STAT3: variants seen among roughly 807,000 people sequenced by gnomAD.
STAT3 encodes signal transducer and activator of transcription 3.
A neutral mutation model predicts 114.3 loss-of-function variants in STAT3; 7 were observed. The ratio of observed to expected loss-of-function variants is 0.06; its 90% CI spans 0.03 to 0.11. The LOEUF (loss-of-function observed/expected upper bound fraction) is 0.11. STAT3 is among the 10% of genes least tolerant of loss of function. The pLI, the probability that STAT3 is intolerant of heterozygous loss-of-function variation, is 1.00. For synonymous variants in STAT3, 331 were observed against 354.5 expected, an observed-to-expected ratio of 0.93 and a Z score of 0.74; for missense variants, 364 against 960.9, an observed-to-expected ratio of 0.38 and a Z score of 8.21.
chr17:42,349,019 C>G (rs1300951135), intron 1 of STAT3, among the ~76,000 whole-genome samples: 2 of 152,174 alleles, frequency 1.3e-5, no homozygotes, highest in South Asian at 4.1e-4. Flanking sequence ...GCACACAACA[C>G]CATGCCACAC....
chr17:42,321,117 T>C (rs75408607), intron 21 of STAT3, among the ~76,000 whole-genome samples: 13 of 141,600 alleles, frequency 9.2e-5, no homozygotes, highest in Admixed American at 2.1e-4. Flanking sequence ...TCTCTCTCTT[T>C]TTTTTTTTTT....
chr17:42,357,123 C>T (rs2083266314), intron 1 of STAT3, among the ~76,000 whole-genome samples: 1 of 152,132 alleles, frequency 6.6e-6, no homozygotes, highest in South Asian at 2.1e-4. Context: ...CATAAAAGAA[C>T]TATTTTGTTT....
At position 42,316,918 on chromosome 17, in the gene STAT3, G is replaced by A. The variant is rs772925731; in HGVS notation, c.2145-17C>T. ...CAGGTCGTTCTGTAGGAAATGGGGG[G>A]CAGCAGGAGGGGAAACGGGGGGTTG... is the stretch of plus-strand genomic sequence containing the variant. On this transcript the variant is annotated splice_polypyrimidine_tract_variant and intron_variant, in intron 22 of 23. Transcript: ENST00000264657. The A allele has an allele frequency of 5.6e-6, 9 of 1,603,022 alleles. No homozygotes were observed. The highest frequency in any genetic ancestry group is 7.7e-6 in the Non-Finnish European group (9 of 1,173,172).
chr17:42,322,653 T>C (rs1361889794), intron 20 of STAT3, among the ~76,000 whole-genome samples, 159 bp from the exon 21 acceptor site: 1 of 152,248 alleles, frequency 6.6e-6, no homozygotes, highest in Non-Finnish European at 1.5e-5. Flanking sequence ...TGTGGAAATA[T>C]TCAGGCTGGC....
At chr17:42,348,586 T>C in intron 1 of STAT3, 47 bp from the exon 2 acceptor site, 1 of 1,608,220 alleles carries the variant, frequency 6.2e-7, no homozygotes, top group South Asian at 1.1e-5. Flanking sequence ...CCAGTAGGGG[T>C]AAACAATCTA....
In STAT3 at chr17:42,316,758, T is replaced by C. The variant is rs114401618; in HGVS notation, c.2257+31A>G. On this transcript the variant is annotated intron_variant, in intron 23 of 23. Coordinates refer to ENST00000264657, the MANE Select transcript of STAT3 (RefSeq NM_139276.3). The stretch of plus-strand genomic sequence containing the variant: ...ACACAAAGGGGACCAACTTCCCTTA[T>C]AGGGACAAAGTCTGTCAACCAAATA... 9.6e-4 allele frequency: 1,551 copies of C among 1,611,540 alleles called. 14 individuals are homozygous for C. The African/African-American group carries it at 0.018, about 19-fold the overall frequency.
At position 42,337,551 on chromosome 17, in the gene STAT3, C is replaced by T. The variant is rs775680553; in HGVS notation, c.681G>A (p.Ala227=). ...TGAGAGTTTTCTGCACGTACTCCAT[C>T]GCTGACAAAAGCCCCGCCAGCTCAC... ...IVSELAGLLS[A]MEYVQKTLTD... Residue 227 remains alanine, a synonymous_variant, in exon 8 of 24, where the codon GCG becomes GCA. Transcript: ENST00000264657. This position sits in a 1 kb window ranked among gnomAD's most constrained non-coding sequence, Gnocchi z 4.0. 41 of 1,614,114 alleles carry T rather than the reference C, an allele frequency of 2.5e-5. No homozygotes were observed. In the African/African-American group the frequency reaches 4.8e-4, roughly 19 times the overall value.
chr17:42,368,981 T>C (rs1413607969), intron 1 of STAT3, among the ~76,000 whole-genome samples: 2 of 152,138 alleles, frequency 1.3e-5, no homozygotes, highest in South Asian at 2.1e-4. Context: ...CTCCCACTTA[T>C]AAGTGAGAAC....
intron 23 of STAT3, 73 bp downstream of exon 23, chr17:42,316,716 G>C (rs867510786): frequency 1.2e-6 from 2 of 1,602,872 alleles, no homozygotes; most frequent in Non-Finnish European, 1.7e-6. Flanking sequence ...CTCTCGGTGT[G>C]TACATGTGAG....
chr17:42,348,631 G>A, intron 1 of STAT3, 92 bp from the exon 2 acceptor site: 1 of 1,446,196 alleles, frequency 6.9e-7, no homozygotes, highest in Non-Finnish European at 9.6e-7. Context: ...TGTCAGGTCT[G>A]TGACTAGGGA....
At chr17:42,369,347 G>A (rs1481071676) in intron 1 of STAT3, among the ~76,000 whole-genome samples, 1 of 152,042 alleles carries the variant, frequency 6.6e-6, no homozygotes, top group Non-Finnish European at 1.5e-5. Flanking sequence ...AATAGAGCAA[G>A]ACTCCATCTC....
At chr17:42,332,871 C>T (rs2082082724) in intron 10 of STAT3, among the ~76,000 whole-genome samples, 1 of 151,496 alleles carries the variant, frequency 6.6e-6, no homozygotes, top group African/African-American at 2.4e-5. Context: ...TGTGGTGGCA[C>T]GCACCTCTAT....
rs2081207918 is a variant in STAT3 at position 42,315,348 on chromosome 17, A to G, written c.*397T>C. ...TGGCCTGTGGCATTTGCTTACAGAA[A>G]CAGGCAGAAGGATGCCGCAGGCACC... On this transcript the variant is annotated 3_prime_UTR_variant, in exon 24 of 24. Transcript: ENST00000264657. 2 of 416,232 alleles carry G rather than the reference A, an allele frequency of 4.8e-6. No homozygotes were observed. The highest frequency in any genetic ancestry group is 4.0e-5 in the African/African-American group (2 of 50,122). 25.8% of individuals were successfully genotyped at this position (416,232 alleles called of 1,614,324 possible).
intron 1 of STAT3, among the ~76,000 whole-genome samples, chr17:42,348,923 T>C (rs940262073): frequency 1.3e-5 from 2 of 152,202 alleles, no homozygotes; most frequent in African/African-American, 2.4e-5. Flanking sequence ...AGAGTCTTGC[T>C]CTGTGGCCCA....
At chr17:42,325,995 A>G (rs922019620) in intron 15 of STAT3, 121 bp downstream of exon 15, 1 of 963,856 alleles carries the variant, frequency 1.0e-6, no homozygotes, top group Non-Finnish European at 1.7e-6. Context: ...GTAAGCAAAA[A>G]TAAACACAGT....
At chr17:42,322,730 G>C (rs2081533087) in intron 20 of STAT3, among the ~76,000 whole-genome samples, 1 of 152,206 alleles carries the variant, frequency 6.6e-6, no homozygotes, top group Admixed American at 6.5e-5. Context: ...ACTTGCGTAA[G>C]ATATATTAAC....
At chr17:42,348,331 T>C (rs914444975) in intron 2 of STAT3, 58 bp downstream of exon 2, 3 of 1,607,900 alleles carry the variant, frequency 1.9e-6, no homozygotes, top group Non-Finnish European at 2.6e-6. Flanking sequence ...TAAGAGTTCA[T>C]GTCTCTTGAC....
At chr17:42,328,590 TAG>T (rs1474802155) in intron 14 of STAT3, among the ~76,000 whole-genome samples, 3 of 152,164 alleles carry the variant, frequency 2.0e-5, no homozygotes, top group Non-Finnish European at 2.9e-5. Context: ...GTATCTTTAG[TAG>T]AGACGGGCTT....
chr17:42,337,734 G>A lies in STAT3; in HGVS notation c.645+29C>T, dbSNP rs17882551. 6.8e-6 allele frequency: 11 copies of A among 1,613,518 alleles called. No individual in the cohort carries two copies. In the African/African-American group the frequency reaches 1.3e-4, roughly 20 times the overall value. Reference sequence around the variant, plus strand: ...AATCCCGCAAGTGAGCGAGACACATGGGGGAAGTGGTCCGACCTATGCCCT... The same window carrying A: ...AATCCCGCAAGTGAGCGAGACACATAGGGGAAGTGGTCCGACCTATGCCCT... On this transcript the variant is annotated intron_variant, in intron 7 of 23. Coordinates refer to ENST00000264657, the MANE Select transcript of STAT3 (RefSeq NM_139276.3). The surrounding 1 kb of genome is among the most constrained non-coding windows in gnomAD (Gnocchi z 4.0).
Sources: allele counts gnomAD v4.1 joint callset (sites outside exome capture counted in the v4.1 genomes callset), GRCh38; gene constraint gnomAD v4.1.1; non-coding constraint Gnocchi (gnomAD v3.1); transcripts MANE v1.5; gene names NCBI Gene and HGNC (gene_info 2026-07-23, HGNC 2026-07-21).